The following STAU2 variants were observed in gnomAD, a reference collection of about 807,000 sequenced individuals.
STAU2 encodes double-stranded RNA-binding protein Staufen homolog 2.
STAU2 carries 20 observed loss-of-function variants against 65.9 expected under a neutral mutation model. The observed-to-expected ratio is 0.30, with a 90% CI of 0.21 to 0.44. The LOEUF is 0.44. Ranked by LOEUF, STAU2 falls within the 20% of genes least tolerant of loss-of-function variation. The pLI is 1.00. For synonymous variants in STAU2, 232 were observed against 233.9 expected, an observed-to-expected ratio of 0.99 and a Z score of 0.07; for missense variants, 558 against 683.9, an observed-to-expected ratio of 0.82 and a Z score of 2.05.
intron 10 of STAU2, among the ~76,000 whole-genome samples, chr8:73,597,778 AATTGCCACAG>A (rs1471235168): frequency 1.3e-5 from 2 of 152,120 alleles, no homozygotes; most frequent in Non-Finnish European, 2.9e-5. Context: ...CAGATTACCA[AATTGCCACAG>A]AATAAGCCTA....
At chr8:73,508,437 A>G (rs945848230) in intron 13 of STAU2, among the ~76,000 whole-genome samples, 3 of 152,206 alleles carry the variant, frequency 2.0e-5, no homozygotes, top group Non-Finnish European at 4.4e-5. Flanking sequence ...AAAGTTCACC[A>G]TCTTATATGG....
chr8:73,624,613 C>T (rs1267956880), intron 6 of STAU2, among the ~76,000 whole-genome samples: 1 of 152,178 alleles, frequency 6.6e-6, no homozygotes, highest in East Asian at 1.9e-4. Flanking sequence ...CTTCCCAGGG[C>T]CACCCGACTT....
At chr8:73,729,231 C>A (rs1453538526) in intron 3 of STAU2, among the ~76,000 whole-genome samples, 1 of 152,154 alleles carries the variant, frequency 6.6e-6, no homozygotes, top group Admixed American at 6.5e-5. Context: ...TGTACTACAC[C>A]ACCCTTGCAA....
chr8:73,438,793 C>T (rs553018372), intron 13 of STAU2: 56 of 371,736 alleles, frequency 1.5e-4, no homozygotes, highest in Middle Eastern at 1.9e-3. Context: ...GGCCCGCTAA[C>T]GGGGACAAGG....
In STAU2 at chr8:73,604,891, C is replaced by T. The variant is rs538563548; in HGVS notation, c.892-1028G>A. Among the ~76,000 whole-genome samples, 5 of 152,182 alleles carry T rather than the reference C, an allele frequency of 3.3e-5. No individual in the cohort carries two copies. The South Asian group carries it at 1.0e-3, about 32-fold the overall frequency. Reference sequence around the variant, plus strand: ...AAGCCTGAGATGGTACATCCTACCCCAATTAGCCTATTCCTAGGCACATAT... The same window carrying T: ...AAGCCTGAGATGGTACATCCTACCCTAATTAGCCTATTCCTAGGCACATAT... On this transcript the variant is annotated intron_variant, in intron 9 of 14. Coordinates refer to ENST00000524300, the MANE Select transcript of STAU2 (RefSeq NM_001164380.2).
At chr8:73,485,477 C>G (rs1012452991) in intron 13 of STAU2, among the ~76,000 whole-genome samples, 1 of 151,898 alleles carries the variant, frequency 6.6e-6, no homozygotes, top group South Asian at 2.1e-4. Flanking sequence ...AGTAGGACCA[C>G]GGAAGGGAGA....
chr8:73,468,789 A>T (rs1403597455), intron 13 of STAU2, among the ~76,000 whole-genome samples: 1 of 152,196 alleles, frequency 6.6e-6, no homozygotes, highest in Non-Finnish European at 1.5e-5. Context: ...GGCAATCATT[A>T]AAAAGTCAGG....
At chr8:73,577,949 T>C (rs923795990) in intron 12 of STAU2, among the ~76,000 whole-genome samples, 1 of 152,220 alleles carries the variant, frequency 6.6e-6, no homozygotes, top group Non-Finnish European at 1.5e-5. Flanking sequence ...TTTGTTGCTA[T>C]GCTGCAATTT....
chr8:73,531,357 G>A (rs1165707334), intron 13 of STAU2, among the ~76,000 whole-genome samples: 1 of 152,202 alleles, frequency 6.6e-6, no homozygotes, highest in Non-Finnish European at 1.5e-5. Context: ...AGGCACGGAG[G>A]AAGGGGGTGA....
chr8:73,643,595 C>T (rs897073648), intron 6 of STAU2, among the ~76,000 whole-genome samples: 28 of 152,134 alleles, frequency 1.8e-4, no homozygotes, highest in Non-Finnish European at 1.5e-5. Context: ...AATTTAAAAA[C>T]AGGAGGTCCA....
intron 11 of STAU2, among the ~76,000 whole-genome samples, chr8:73,585,405 G>A (rs568012714): frequency 9.8e-5 from 15 of 152,318 alleles, no homozygotes; most frequent in African/African-American, 2.9e-4. Flanking sequence ...GCTTGAACCC[G>A]GGAGGCGGAG....
intron 13 of STAU2, among the ~76,000 whole-genome samples, chr8:73,481,166 G>A (rs1820594066): frequency 6.6e-6 from 1 of 151,850 alleles, no homozygotes; most frequent in Admixed American, 6.6e-5. Flanking sequence ...CCCTCTGAGT[G>A]GGAACCACTG....
chr8:73,622,551 G>GC (rs1262829045), intron 6 of STAU2, among the ~76,000 whole-genome samples: 10 of 152,270 alleles, frequency 6.6e-5, no homozygotes, highest in African/African-American at 2.2e-4. Context: ...ATTTAAGTCT[G>GC]CCTAACTGCA....
chr8:73,571,080 A>G (rs1809044885), intron 12 of STAU2, among the ~76,000 whole-genome samples: 1 of 152,208 alleles, frequency 6.6e-6, no homozygotes, highest in Non-Finnish European at 1.5e-5. Flanking sequence ...AACAAAAAAA[A>G]GCAGGGGTTG....
chr8:73,571,983 C>T (rs1022427560), intron 12 of STAU2, among the ~76,000 whole-genome samples: 3 of 151,886 alleles, frequency 2.0e-5, no homozygotes, highest in Admixed American at 6.6e-5. Flanking sequence ...AAAAGATCAA[C>T]AAAATTGATA....
chr8:73,576,848 G>A (rs1259455413), intron 12 of STAU2, among the ~76,000 whole-genome samples: 2 of 152,066 alleles, frequency 1.3e-5, no homozygotes, highest in African/African-American at 4.8e-5. Context: ...TTTGCTAACA[G>A]AGAAAAGCAA....
intron 5 of STAU2, chr8:73,675,446 C>G (rs1338974143): frequency 2.6e-5 from 4 of 151,548 alleles, no homozygotes; most frequent in African/African-American, 9.7e-5. Flanking sequence ...ACTTACTATT[C>G]AACAACAAAA....
intron 13 of STAU2, chr8:73,527,723 T>C (rs1057169578): frequency 1.6e-5 from 24 of 1,536,486 alleles, no homozygotes; most frequent in Admixed American, 1.2e-4. Context: ...GAGCTTCCAA[T>C]AGCATGGAAA....
chr8:73,517,203 G>C (rs1335209712), intron 13 of STAU2, among the ~76,000 whole-genome samples: 1 of 152,078 alleles, frequency 6.6e-6, no homozygotes, highest in Non-Finnish European at 1.5e-5. Flanking sequence ...GATCAATTGA[G>C]CCCAGGAGCT....
Sources: gnomAD v4.1 joint callset for allele counts (sites outside exome capture counted in the v4.1 genomes callset) on GRCh38, gnomAD v4.1.1 for gene constraint, MANE v1.5 for transcripts, NCBI Gene and HGNC (gene_info 2026-07-23, HGNC 2026-07-21) for gene names.